The following AOPEP variants were observed in gnomAD, a reference collection of about 807,000 sequenced individuals.
The protein encoded by AOPEP is aminopeptidase O.
A neutral mutation model predicts 98.1 loss-of-function variants in AOPEP; 77 were observed. The ratio of observed to expected loss-of-function variants is 0.78; its 90% CI spans 0.65 to 0.95. The LOEUF is 0.95. Among genes scored for constraint, AOPEP ranks in the 40% least tolerant of loss-of-function variants. The pLI is 0.00. For missense variants in AOPEP, 1,024 were observed against 1,024.7 expected, an observed-to-expected ratio of 1.00 and a Z score of 0.01; for synonymous variants, 346 against 365.3, an observed-to-expected ratio of 0.95 and a Z score of 0.60.
intron 13 of AOPEP, among the ~76,000 whole-genome samples, chr9:95,047,637 T>C (rs529232701): frequency 2.3e-4 from 35 of 152,272 alleles, no homozygotes; most frequent in African/African-American, 7.5e-4. Flanking sequence ...TGAAGTGCAT[T>C]CTAGGAATAC....
At chr9:95,015,685 T>G (rs1276596488) in intron 13 of AOPEP, among the ~76,000 whole-genome samples, 1 of 152,208 alleles carries the variant, frequency 6.6e-6, no homozygotes, top group African/African-American at 2.4e-5. Flanking sequence ...TGGATCTCTA[T>G]AAGGGAAGTC....
At chr9:94,919,674 G>T (rs954324867) in intron 5 of AOPEP, among the ~76,000 whole-genome samples, 7 of 152,132 alleles carry the variant, frequency 4.6e-5, no homozygotes, top group Non-Finnish European at 8.8e-5. Context: ...CCTAAGAGGG[G>T]TGGAGCGACA....
chr9:94,850,629 A>T (rs1335280704), intron 5 of AOPEP, among the ~76,000 whole-genome samples: 2 of 152,136 alleles, frequency 1.3e-5, no homozygotes. Flanking sequence ...CTTAATTACG[A>T]TGCTGTACAG....
In AOPEP at chr9:95,086,917, G is replaced by A; in HGVS notation, c.*240G>A. 2 of 987,858 alleles carry A rather than the reference G, an allele frequency of 2.0e-6. No homozygotes were observed. The highest frequency in any genetic ancestry group is 1.2e-6 in the Non-Finnish European group (1 of 830,108). 61.2% of individuals were successfully genotyped at this position (987,858 alleles called of 1,614,324 possible). A position where few individuals can be genotyped will look rare whatever the true frequency, so the allele number is the denominator to read the frequency against. On this transcript the variant is annotated 3_prime_UTR_variant, in exon 17 of 17. Transcript: ENST00000375315. Reference sequence around the variant, plus strand: ...GGAGGCTGCCTCCTGCCCTGGATCTGGAGTGGAGCTGCTCTGAGATTTTGA... The same window carrying A: ...GGAGGCTGCCTCCTGCCCTGGATCTAGAGTGGAGCTGCTCTGAGATTTTGA...
chr9:94,737,172 C>T (rs372465084), intron 1 of AOPEP, among the ~76,000 whole-genome samples: 48 of 151,832 alleles, frequency 3.2e-4, no homozygotes, highest in Middle Eastern at 6.3e-3. Context: ...CTTTGCTATC[C>T]CAGCTGGAGT....
intron 3 of AOPEP, among the ~76,000 whole-genome samples, chr9:94,783,742 A>G (rs1313304775): frequency 1.3e-5 from 2 of 152,160 alleles, no homozygotes; most frequent in African/African-American, 4.8e-5. Flanking sequence ...GTATGTCTGT[A>G]TACACTTATA....
intron 14 of AOPEP, among the ~76,000 whole-genome samples, chr9:95,064,585 G>A (rs112609727): frequency 0.015 from 2,252 of 152,332 alleles, 53 homozygotes; most frequent in African/African-American, 0.052. Context: ...CACCGCGCCT[G>A]GCCTCGTCTA....
chr9:94,792,169 G>A (rs190131091), intron 3 of AOPEP, among the ~76,000 whole-genome samples: 25 of 152,292 alleles, frequency 1.6e-4, no homozygotes, highest in African/African-American at 5.8e-4. Context: ...AGCAAGGAGT[G>A]GAAGACCAGC....
At chr9:94,741,276 T>C (rs1833008116) in intron 1 of AOPEP, among the ~76,000 whole-genome samples, 1 of 151,872 alleles carries the variant, frequency 6.6e-6, no homozygotes, top group Non-Finnish European at 1.5e-5. Flanking sequence ...TATTTTTTTA[T>C]TTTTTTATTT....
chr9:95,019,696 T>G (rs1427126010), intron 13 of AOPEP: 4 of 152,258 alleles, frequency 2.6e-5, no homozygotes, highest in African/African-American at 9.6e-5. Context: ...CATGTTGAGC[T>G]TCTAAATGTT....
At chr9:94,741,580 C>CT (rs550217651) in intron 1 of AOPEP, among the ~76,000 whole-genome samples, 93 of 151,970 alleles carry the variant, frequency 6.1e-4, no homozygotes, top group African/African-American at 2.1e-3. Context: ...CTTCCCCCTT[C>CT]TTTTTTTTAA....
At chr9:94,958,438 C>G (rs2058611850) in intron 9 of AOPEP, among the ~76,000 whole-genome samples, 1 of 152,120 alleles carries the variant, frequency 6.6e-6, no homozygotes, top group Non-Finnish European at 1.5e-5. Context: ...TACAATAATT[C>G]TATGTTTAGC....
At chr9:94,895,414 G>GA (rs5899235) in intron 5 of AOPEP, among the ~76,000 whole-genome samples, 5,245 of 57,498 alleles carry the variant, frequency 0.091, 220 homozygotes, top group Middle Eastern at 0.24. Context: ...ACACAAAAAG[G>GA]AAAAAAAAAA....
chr9:94,944,866 C>G (rs1384457430), intron 7 of AOPEP, among the ~76,000 whole-genome samples: 1 of 152,138 alleles, frequency 6.6e-6, no homozygotes, highest in Non-Finnish European at 1.5e-5. Flanking sequence ...GTTGCACAAC[C>G]TTATGAGTAC....
chr9:95,123,427 C>T, the AOPEP span: 2 of 456,976 alleles, frequency 4.4e-6, no homozygotes, highest in African/African-American at 2.0e-5. Context: ...ATTGCTTGAG[C>T]CTCAGAGGTT....
the AOPEP span, chr9:95,111,057 G>A: frequency 0.4 from 596,468 of 1,475,486 alleles, 123,342 homozygotes; most frequent in East Asian, 0.57. Context: ...AGCCCTGGCC[G>A]GGCTGCTGGG....
At chr9:94,756,753 T>C (rs1275515975) in intron 1 of AOPEP, among the ~76,000 whole-genome samples, 1 of 152,232 alleles carries the variant, frequency 6.6e-6, no homozygotes, top group Non-Finnish European at 1.5e-5. Context: ...GCTCTGCTCA[T>C]CTCCTCCCTT....
chr9:95,103,063 CT>C, the AOPEP span, among the ~76,000 whole-genome samples: 7 of 152,274 alleles, frequency 4.6e-5, no homozygotes, highest in Admixed American at 2.6e-4. Flanking sequence ...TAGATGCAGC[CT>C]GTCCTTCATC....
intron 5 of AOPEP, among the ~76,000 whole-genome samples, chr9:94,851,453 G>T (rs919303588): frequency 6.6e-6 from 1 of 152,054 alleles, no homozygotes; most frequent in African/African-American, 2.4e-5. Flanking sequence ...ATATTTTAAA[G>T]AATGAATGTA....
Sources: allele counts gnomAD v4.1 joint callset (sites outside exome capture counted in the v4.1 genomes callset), GRCh38; gene constraint gnomAD v4.1.1; transcripts MANE v1.5; gene names NCBI Gene and HGNC (gene_info 2026-07-23, HGNC 2026-07-21).